ROBO2: variants seen among roughly 807,000 people sequenced by gnomAD.
ROBO2 encodes roundabout guidance receptor 2, also known as roundabout homolog 2.
In ROBO2, 53 loss-of-function variants were observed where a neutral mutation model predicts 160.8. The observed-to-expected ratio is 0.33, with a 90% CI of 0.26 to 0.41. ROBO2 has a LOEUF of 0.41. Ranked by LOEUF, ROBO2 falls within the 10% of genes least tolerant of loss-of-function variation. ROBO2 has a pLI of 1.00. For missense variants in ROBO2, 1,577 were observed against 1,722.4 expected, an observed-to-expected ratio of 0.92 and a Z score of 1.49; for synonymous variants, 664 against 611.7, an observed-to-expected ratio of 1.09 and a Z score of -1.26.
chr3:76,499,497 G>A lies in ROBO2; in HGVS notation c.109+561895G>A, dbSNP rs1484284733. 2.0e-5 allele frequency among the ~76,000 whole-genome samples: 3 copies of A among 152,234 alleles called. No homozygotes were observed. The East Asian group carries it at 5.8e-4, about 30-fold the overall frequency. On this transcript the variant is annotated intron_variant, in intron 2 of 26. Transcript: ENST00000487694. ...AAATAACATATGGCTTGACTTTCAG[G>A]AGTACATTTCTCAAGTCCTAAATTA...
chr3:76,412,625 G>A (rs1426785584), intron 2 of ROBO2, among the ~76,000 whole-genome samples: 1 of 152,160 alleles, frequency 6.6e-6, no homozygotes. Flanking sequence ...ATCTAGCAGG[G>A]CAATCAAATG....
chr3:76,755,937 A>T (rs1343555139), intron 2 of ROBO2, among the ~76,000 whole-genome samples: 3 of 151,570 alleles, frequency 2.0e-5, no homozygotes, highest in Non-Finnish European at 4.4e-5. Flanking sequence ...ATACTACCCT[A>T]CTCACCTAAT....
intron 2 of ROBO2, among the ~76,000 whole-genome samples, chr3:76,205,731 C>A (rs1702769704): frequency 6.6e-6 from 1 of 152,154 alleles, no homozygotes; most frequent in Non-Finnish European, 1.5e-5. Flanking sequence ...TCTCTGGGGG[C>A]CATGCCATCC....
intron 1 of ROBO2, among the ~76,000 whole-genome samples, chr3:75,910,236 G>A (rs758708489): frequency 5.3e-5 from 8 of 152,118 alleles, no homozygotes; most frequent in Non-Finnish European, 8.8e-5. Flanking sequence ...GACATTGTCC[G>A]ACCACATGTA....
intron 2 of ROBO2, among the ~76,000 whole-genome samples, chr3:76,807,534 A>T (rs916263436): frequency 3.9e-5 from 6 of 152,078 alleles, no homozygotes; most frequent in African/African-American, 1.4e-4. Flanking sequence ...AACTCATCAA[A>T]AATTGAATAT....
At chr3:76,108,599 T>C (rs1158933049) in intron 2 of ROBO2, among the ~76,000 whole-genome samples, 2 of 151,796 alleles carry the variant, frequency 1.3e-5, no homozygotes, top group Non-Finnish European at 2.9e-5. Flanking sequence ...ATGTAAGGTC[T>C]TAAAGTAGCC....
chr3:76,760,330 T>C (rs1206257564), intron 2 of ROBO2, among the ~76,000 whole-genome samples: 1 of 151,784 alleles, frequency 6.6e-6, no homozygotes, highest in Non-Finnish European at 1.5e-5. Flanking sequence ...AGTTTCTGAT[T>C]ACCTGCTGGC....
chr3:76,256,251 A>C (rs1706353834), intron 2 of ROBO2, among the ~76,000 whole-genome samples: 1 of 149,816 alleles, frequency 6.7e-6, no homozygotes, highest in Non-Finnish European at 1.5e-5. Flanking sequence ...TCAGGGATGC[A>C]GTGAGCTGTG....
At chr3:76,937,996 A>C (rs988149534) in intron 2 of ROBO2, among the ~76,000 whole-genome samples, 1 of 152,340 alleles carries the variant, frequency 6.6e-6, no homozygotes, top group Admixed American at 6.5e-5. Context: ...GCAGTTAGGT[A>C]AGAATACTGG....
chr3:76,349,644 G>C (rs1302991221), intron 2 of ROBO2, among the ~76,000 whole-genome samples: 3 of 152,088 alleles, frequency 2.0e-5, no homozygotes, highest in Non-Finnish European at 4.4e-5. Flanking sequence ...GAGATTTCAC[G>C]TTACTTGCAA....
At chr3:77,483,318 C>T (rs1002685745) in intron 4 of ROBO2, among the ~76,000 whole-genome samples, 9 of 151,842 alleles carry the variant, frequency 5.9e-5, no homozygotes, top group East Asian at 5.8e-4. Flanking sequence ...AAGTATTGCC[C>T]GAGAAACCCC....
chr3:76,521,484 G>C (rs1359121801), intron 2 of ROBO2, among the ~76,000 whole-genome samples: 1 of 152,140 alleles, frequency 6.6e-6, no homozygotes, highest in Non-Finnish European at 1.5e-5. Flanking sequence ...GGCAGGAATA[G>C]GGGAAGCAAG....
At chr3:77,309,569 A>C (rs756829513) in intron 2 of ROBO2, among the ~76,000 whole-genome samples, 15 of 152,212 alleles carry the variant, frequency 9.9e-5, no homozygotes, top group Non-Finnish European at 1.9e-4. Context: ...TAGTACATAA[A>C]AATACTTGTA....
intron 2 of ROBO2, among the ~76,000 whole-genome samples, chr3:76,396,871 T>A (rs2077485755): frequency 1.3e-5 from 2 of 152,164 alleles, no homozygotes; most frequent in South Asian, 4.1e-4. Context: ...GTAGGAAGAA[T>A]CAATATTGTG....
At chr3:76,978,783 A>G (rs1013491579) in intron 2 of ROBO2, among the ~76,000 whole-genome samples, 1 of 152,002 alleles carries the variant, frequency 6.6e-6, no homozygotes, top group Non-Finnish European at 1.5e-5. Flanking sequence ...CACATACCCT[A>G]AATGCACATA....
At chr3:76,103,863 C>G (rs1450118792) in intron 2 of ROBO2, among the ~76,000 whole-genome samples, 1 of 152,182 alleles carries the variant, frequency 6.6e-6, no homozygotes, top group African/African-American at 2.4e-5. Context: ...GGGGCTGCTG[C>G]TGTTGACGCA....
intron 2 of ROBO2, among the ~76,000 whole-genome samples, chr3:77,289,813 T>G (rs527485717): frequency 6.6e-6 from 1 of 151,338 alleles, no homozygotes; most frequent in African/African-American, 2.4e-5. Flanking sequence ...AGACATAAAG[T>G]AAAATTGACA....
intron 2 of ROBO2, among the ~76,000 whole-genome samples, chr3:76,447,478 G>T (rs2077247983): frequency 1.3e-5 from 2 of 148,496 alleles, no homozygotes; most frequent in Non-Finnish European, 3.0e-5. Flanking sequence ...GTGGAAGTCA[G>T]TGTGGCGATT....
chr3:75,953,223 A>G (rs754117894), intron 2 of ROBO2, among the ~76,000 whole-genome samples: 2 of 151,960 alleles, frequency 1.3e-5, no homozygotes, highest in African/African-American at 2.4e-5. Context: ...ACTATTCTGC[A>G]TTCTCAATAA....
Sources: allele counts gnomAD v4.1 joint callset (sites outside exome capture counted in the v4.1 genomes callset), GRCh38; gene constraint gnomAD v4.1.1; transcripts MANE v1.5; gene names NCBI Gene and HGNC (gene_info 2026-07-23, HGNC 2026-07-21).